The following FSTL4 variants were observed in gnomAD, a reference collection of about 807,000 sequenced individuals.
FSTL4 encodes follistatin like 4.
In FSTL4, 28 loss-of-function variants were observed where a neutral mutation model predicts 78.2. That is an observed-to-expected ratio of 0.36 (90% confidence interval 0.27 to 0.49). FSTL4 has a LOEUF of 0.49. FSTL4 is among the 20% of genes least tolerant of loss of function. The pLI is 0.98. For synonymous variants in FSTL4, 422 were observed against 440.5 expected, an observed-to-expected ratio of 0.96 and a Z score of 0.53; for missense variants, 922 against 1,084.9, an observed-to-expected ratio of 0.85 and a Z score of 2.11.
intron 4 of FSTL4, among the ~76,000 whole-genome samples, chr5:133,318,993 G>A (rs912126303): frequency 8.5e-5 from 13 of 152,344 alleles, no homozygotes; most frequent in Middle Eastern, 3.4e-3. Context: ...AGAGCTACAC[G>A]GACTGGCGTC....
intron 14 of FSTL4, among the ~76,000 whole-genome samples, chr5:133,207,124 TTGAC>T (rs561609927): frequency 6.6e-6 from 1 of 151,876 alleles, no homozygotes; most frequent in Admixed American, 6.5e-5. Flanking sequence ...AAAATTCTAT[TTGAC>T]TGATGAAAGG....
chr5:133,498,998 T>TACACACACACACACACAC (rs142906885), intron 3 of FSTL4, among the ~76,000 whole-genome samples: 6 of 146,992 alleles, frequency 4.1e-5, no homozygotes, highest in African/African-American at 1.5e-4. Context: ...AGCAACAAAT[T>TACACACACACACACACAC]ACACACACAC....
chr5:133,297,546 T>C (rs1753427830), intron 6 of FSTL4, among the ~76,000 whole-genome samples: 2 of 152,180 alleles, frequency 1.3e-5, no homozygotes, highest in African/African-American at 4.8e-5. Context: ...TATCTTTTCA[T>C]AAGGATTGAA....
chr5:133,823,898 A>C, the FSTL4 span, among the ~76,000 whole-genome samples: 1 of 152,194 alleles, frequency 6.6e-6, no homozygotes, highest in East Asian at 1.9e-4. Flanking sequence ...TCTTTGTCTT[A>C]CATATTGAGT....
In FSTL4 at chr5:133,473,620, G is replaced by A. The variant is rs1757869720; in HGVS notation, c.161-72634C>T. ...AGTCTTCCACATTTGGAATCTCTAA[G>A]AAAGGTGTAATAACAGAGATAGAAT... On this transcript the variant is annotated intron_variant, in intron 3 of 15. Transcript: ENST00000265342. Among the ~76,000 whole-genome samples, 3 of 152,348 alleles carry A rather than the reference G, an allele frequency of 2.0e-5. No homozygotes were observed. In the South Asian group the frequency reaches 6.2e-4, roughly 32 times the overall value.
rs370415007 is a variant in FSTL4 at position 133,367,593 on chromosome 5, C to T, written c.409+33145G>A. On this transcript the variant is annotated intron_variant, in intron 4 of 15. Coordinates refer to ENST00000265342, the MANE Select transcript of FSTL4 (RefSeq NM_015082.2). ...TTCTGCTTTCGCTCCAGATCTTGGTCGGCAGCAGGCAGAACCATTTGAACA... is the reference window on the plus strand; with the variant it reads ...TTCTGCTTTCGCTCCAGATCTTGGTTGGCAGCAGGCAGAACCATTTGAACA... Among the ~76,000 whole-genome samples the T allele has an allele frequency of 1.2e-4, 18 of 152,306 alleles. No individual in the cohort carries two copies. The South Asian group carries it at 2.5e-3, about 21-fold the overall frequency.
chr5:133,604,395 A>G (rs948388325), intron 1 of FSTL4, among the ~76,000 whole-genome samples: 10 of 152,148 alleles, frequency 6.6e-5, no homozygotes, highest in Non-Finnish European at 1.3e-4. Context: ...GGGGCTAGGC[A>G]CACAATTAGT....
chr5:133,836,930 C>T, the FSTL4 span, among the ~76,000 whole-genome samples: 1 of 151,986 alleles, frequency 6.6e-6, no homozygotes, highest in Non-Finnish European at 1.5e-5. Flanking sequence ...AGGTGTATTC[C>T]TTTTAATTTT....
intron 4 of FSTL4, among the ~76,000 whole-genome samples, chr5:133,370,711 G>A (rs954499459): frequency 3.9e-5 from 6 of 152,122 alleles, no homozygotes; most frequent in African/African-American, 1.2e-4. Flanking sequence ...GCTGTGGGAA[G>A]TGGGGAGAAG....
the FSTL4 span, among the ~76,000 whole-genome samples, chr5:133,656,236 T>C: frequency 0.018 from 2,752 of 151,770 alleles, 45 homozygotes; most frequent in Middle Eastern, 0.051. Context: ...AAGTTACCAC[T>C]GTGGGCAAAT....
chr5:133,335,964 G>A (rs2126913648), intron 4 of FSTL4, among the ~76,000 whole-genome samples: 1 of 152,322 alleles, frequency 6.6e-6, no homozygotes, highest in African/African-American at 2.4e-5. Context: ...GACAGTGGGA[G>A]ATATTTATAA....
intron 3 of FSTL4, among the ~76,000 whole-genome samples, chr5:133,437,177 A>G (rs1000900068): frequency 6.6e-6 from 1 of 152,174 alleles, no homozygotes; most frequent in Non-Finnish European, 1.5e-5. Flanking sequence ...TGATGGGGAA[A>G]GACCATGAGT....
chr5:133,589,662 A>C (rs913531660), intron 2 of FSTL4, among the ~76,000 whole-genome samples: 1 of 152,066 alleles, frequency 6.6e-6, no homozygotes, highest in African/African-American at 2.4e-5. Context: ...GCCCCAGAAG[A>C]CCACCTCAAA....
the FSTL4 span, among the ~76,000 whole-genome samples, chr5:133,738,069 CAATT>C: frequency 1.3e-5 from 2 of 152,126 alleles, no homozygotes; most frequent in Admixed American, 6.5e-5. Context: ...GTCTCTGGTT[CAATT>C]AAGTAGAAAC....
At chr5:133,839,196 CA>C in the FSTL4 span, among the ~76,000 whole-genome samples, 1 of 152,186 alleles carries the variant, frequency 6.6e-6, no homozygotes. Context: ...AAAGCTTAGG[CA>C]GACATGGCCT....
chr5:133,745,154 C>T, the FSTL4 span, among the ~76,000 whole-genome samples: 3 of 152,230 alleles, frequency 2.0e-5, no homozygotes, highest in African/African-American at 4.8e-5. Flanking sequence ...GCCCATCCTG[C>T]CATGAGCAGA....
At chr5:133,626,949 T>C in the FSTL4 span, among the ~76,000 whole-genome samples, 20,386 of 152,098 alleles carry the variant, frequency 0.13, 1,745 homozygotes, top group African/African-American at 0.24. Context: ...TGATTTTCTA[T>C]CTAGTTGTTC....
intron 3 of FSTL4, among the ~76,000 whole-genome samples, chr5:133,508,684 T>A (rs1758663378): frequency 6.6e-6 from 1 of 152,208 alleles, no homozygotes; most frequent in African/African-American, 2.4e-5. Context: ...CGACACCACT[T>A]TGTAGAAGGG....
Position 133,265,295 on chromosome 5 carries a change from G to A in FSTL4, c.728-15719C>T, listed in dbSNP as rs535983072. Among the ~76,000 whole-genome samples, 3 of 152,284 alleles carry A rather than the reference G, an allele frequency of 2.0e-5. No individual in the cohort carries two copies. The South Asian group carries it at 6.2e-4, about 32-fold the overall frequency. On this transcript the variant is annotated intron_variant, in intron 6 of 15. Coordinates refer to ENST00000265342, the MANE Select transcript of FSTL4 (RefSeq NM_015082.2). ...CTGCCGGCCACTCTCCAAATGTCCT[G>A]GGCCTTCCCCCGTCGCTGGCCACCA...
Sources: allele counts gnomAD v4.1 joint callset (sites outside exome capture counted in the v4.1 genomes callset), GRCh38; gene constraint gnomAD v4.1.1; transcripts MANE v1.5; gene names NCBI Gene and HGNC (gene_info 2026-07-23, HGNC 2026-07-21).